The following RABEP1 variants were observed in gnomAD, a reference collection of about 807,000 sequenced individuals.
The protein encoded by RABEP1 is rabaptin, RAB GTPase binding effector protein 1.
RABEP1 carries 51 observed loss-of-function variants against 123.4 expected under a neutral mutation model. The observed-to-expected ratio is 0.41, with a 90% CI of 0.33 to 0.52. RABEP1 has a LOEUF of 0.52. Ranked by LOEUF, RABEP1 falls within the 20% of genes least tolerant of loss-of-function variation. The pLI is 0.16. For synonymous variants in RABEP1, 347 were observed against 355.2 expected (o/e 0.98, Z 0.26); for missense variants, 888 against 996.3 (o/e 0.89, Z 1.46).
intron 2 of RABEP1, among the ~76,000 whole-genome samples, chr17:5,323,336 G>A (rs1351118879): frequency 6.6e-6 from 1 of 152,118 alleles, no homozygotes; most frequent in Non-Finnish European, 1.5e-5. Flanking sequence ...ATTTAATATA[G>A]TATTGGAAAT....
intron 1 of RABEP1, among the ~76,000 whole-genome samples, chr17:5,283,500 G>T (rs186567622): frequency 6.6e-6 from 1 of 152,104 alleles, no homozygotes; most frequent in Admixed American, 6.6e-5. Flanking sequence ...GAAATAGTGT[G>T]CTTGGGCTTT....
intron 8 of RABEP1, among the ~76,000 whole-genome samples, chr17:5,354,715 T>C (rs1908869756): frequency 6.6e-6 from 1 of 152,240 alleles, no homozygotes; most frequent in African/African-American, 2.4e-5. Flanking sequence ...AGATGTTCTT[T>C]TTTCCAGTAT....
chr17:5,315,123 A>G (rs1597346944), intron 2 of RABEP1, among the ~76,000 whole-genome samples: 1 of 152,232 alleles, frequency 6.6e-6, no homozygotes, highest in Non-Finnish European at 1.5e-5. Flanking sequence ...ACGCTAACTA[A>G]TCAGAATTTC....
intron 12 of RABEP1, among the ~76,000 whole-genome samples, chr17:5,368,978 T>G (rs1204183998): frequency 6.6e-6 from 1 of 152,056 alleles, no homozygotes; most frequent in African/African-American, 2.4e-5. Flanking sequence ...CGTGGTGGTG[T>G]GCACCTGCAA....
chr17:5,308,842 A>G lies in RABEP1; in HGVS notation c.163+20A>G, dbSNP rs747564987. 3 of 1,577,108 alleles carry G rather than the reference A, an allele frequency of 1.9e-6. No homozygotes were observed. Among genetic ancestry groups the G allele is most frequent in the Non-Finnish European group, 2.6e-6 (3 of 1,160,590 alleles). ...AAGAGGGTAAGTTCATAAGTCTCGC[A>G]CCAACTTCAATGCGAAAACTGCCTT... On this transcript the variant is annotated intron_variant, in intron 2 of 17. Coordinates refer to ENST00000537505, the MANE Select transcript of RABEP1 (RefSeq NM_004703.6).
intron 2 of RABEP1, among the ~76,000 whole-genome samples, chr17:5,316,848 A>G (rs1481945552): frequency 2.0e-5 from 3 of 151,284 alleles, no homozygotes; most frequent in South Asian, 4.2e-4. Flanking sequence ...AAAAAAAAAA[A>G]AAAAAAAATA....
intron 7 of RABEP1, among the ~76,000 whole-genome samples, 168 bp downstream of exon 7, chr17:5,350,797 T>G (rs1321384082): frequency 4.6e-5 from 7 of 152,168 alleles, no homozygotes; most frequent in Non-Finnish European, 1.0e-4. Context: ...GGTTTTGTTT[T>G]TCATCTTTAG....
At chr17:5,307,750 A>C (rs574562992) in intron 1 of RABEP1, among the ~76,000 whole-genome samples, 10 of 152,328 alleles carry the variant, frequency 6.6e-5, no homozygotes, top group South Asian at 2.1e-4. Flanking sequence ...CAAATTATAG[A>C]GTCCATAAAG....
At chr17:5,381,674 C>G in intron 17 of RABEP1, 169 bp downstream of exon 17, 1 of 1,217,146 alleles carries the variant, frequency 8.2e-7, no homozygotes, top group Non-Finnish European at 1.1e-6. Context: ...CTGGTGTGTT[C>G]TTCACACTTG....
At position 5,336,779 on chromosome 17, in the gene RABEP1, TTTAAC is replaced by T. The variant is rs1159737345; in HGVS notation, c.529-1237_529-1233del. ...CCTAAACTAGCCTTGACTGAGATAT[TTTAAC>T]TTGTCTTTTCCAAATAGTATTTAAT... is the stretch of plus-strand genomic sequence containing the variant. On this transcript the variant is annotated intron_variant, in intron 4 of 17. Coordinates refer to ENST00000537505, the MANE Select transcript of RABEP1 (RefSeq NM_004703.6). The T allele has an allele frequency of 2.3e-5, 4 of 175,302 alleles. No individual in the cohort carries two copies. In the East Asian group the frequency reaches 5.5e-4, roughly 24 times the overall value. The allele number at this position is 175,302 out of a possible 1,614,324, so 10.9% of individuals were successfully genotyped here. A position where few individuals can be genotyped will look rare whatever the true frequency, so the allele number is the denominator to read the frequency against.
chr17:5,386,337 T>A lies in RABEP1; in HGVS notation c.*3114T>A. 1 of 1,208,872 alleles carries A rather than the reference T, an allele frequency of 8.3e-7. No individual in the cohort carries two copies. Among genetic ancestry groups the A allele is most frequent in the Non-Finnish European group, 1.2e-6 (1 of 837,502 alleles). The allele number at this position is 1,208,872 out of a possible 1,614,324, so 74.9% of individuals were successfully genotyped here. On this transcript the variant is annotated 3_prime_UTR_variant, in exon 18 of 18. Coordinates refer to ENST00000537505, the MANE Select transcript of RABEP1 (RefSeq NM_004703.6). ...CCATTTATATGGATTCTTAAGAATT[T>A]AAACTGGTAATGTTGAAACATCTAA...
intron 5 of RABEP1, among the ~76,000 whole-genome samples, chr17:5,342,227 G>GA (rs918993521): frequency 3.3e-5 from 5 of 150,734 alleles, no homozygotes; most frequent in South Asian, 2.1e-4. Context: ...TAAAAAAAAA[G>GA]AAAAAAAAGA....
chr17:5,308,686 TC>T lies in RABEP1; in HGVS notation c.35-3del. On this transcript the variant is annotated splice_polypyrimidine_tract_variant and splice_region_variant and intron_variant, in intron 1 of 17. Coordinates refer to ENST00000537505, the MANE Select transcript of RABEP1 (RefSeq NM_004703.6). ...TATTACTTGTTAACTAGTGTTTTTT[TC>T]CCCCAGTTTCTCTTCAGCAACGGGT... 1 of 1,602,734 alleles carries T rather than the reference TC, an allele frequency of 6.2e-7. No individual in the cohort carries two copies.
rs763348080 is a variant in RABEP1 at position 5,361,684 on chromosome 17, C to A, written c.1563+9C>A. ...ATCTCTTGCAGAAAGAGGTGAGTTA[C>A]CTTTCTCACGTTTTTCCTCTTGCTC... On this transcript the variant is annotated intron_variant, in intron 9 of 17. Transcript: ENST00000537505. 1.9e-6 allele frequency: 3 copies of A among 1,586,126 alleles called. No homozygotes were observed. In the African/African-American group the frequency reaches 4.1e-5, roughly 21 times the overall value.
chr17:5,323,614 A>T (rs898571191), intron 2 of RABEP1, among the ~76,000 whole-genome samples: 13 of 151,170 alleles, frequency 8.6e-5, no homozygotes, highest in African/African-American at 3.1e-4. Flanking sequence ...ACACACACAT[A>T]CACACACAAC....
In RABEP1 at chr17:5,282,528, G is replaced by A; in HGVS notation, c.34+8G>A. ...CGGCTTCCCAGCCTGACGGTGAGGC[G>A]CCCACCATGGCAGGCGCGGCGGGCG... On this transcript the variant is annotated splice_region_variant and intron_variant, in intron 1 of 17. Coordinates refer to ENST00000537505, the MANE Select transcript of RABEP1 (RefSeq NM_004703.6). The A allele has an allele frequency of 3.3e-6, 4 of 1,210,616 alleles. No homozygotes were observed. The highest frequency in any genetic ancestry group is 2.1e-6 in the Non-Finnish European group (2 of 971,198). 75.0% of individuals were successfully genotyped at this position (1,210,616 alleles called of 1,614,324 possible).
At chr17:5,367,924 T>A (rs1301376510) in intron 11 of RABEP1, among the ~76,000 whole-genome samples, 3 of 150,874 alleles carry the variant, frequency 2.0e-5, no homozygotes, top group East Asian at 4.1e-4. Flanking sequence ...CCAGCTAATT[T>A]TTTTTTACTT....
chr17:5,323,772 A>C (rs982469040), intron 2 of RABEP1, among the ~76,000 whole-genome samples: 1 of 97,270 alleles, frequency 1.0e-5, no homozygotes, highest in East Asian at 4.0e-4. Context: ...ATATATATAT[A>C]TCTAGGAATA....
At chr17:5,346,558 A>C (rs1425893621) in intron 5 of RABEP1, among the ~76,000 whole-genome samples, 1 of 152,210 alleles carries the variant, frequency 6.6e-6, no homozygotes, top group Non-Finnish European at 1.5e-5. Flanking sequence ...GTTATGTGAA[A>C]TCTCAATTGT....
Sources: allele counts gnomAD v4.1 joint callset (sites outside exome capture counted in the v4.1 genomes callset), GRCh38; gene constraint gnomAD v4.1.1; transcripts MANE v1.5; gene names NCBI Gene and HGNC (gene_info 2026-07-23, HGNC 2026-07-21).